The following AFF3 variants were observed in gnomAD, a reference collection of about 807,000 sequenced individuals.
AFF3 encodes AF4/FMR2 family member 3.
In AFF3, 32 loss-of-function variants were observed where a neutral mutation model predicts 129.7. That is an observed-to-expected ratio of 0.25 (90% CI 0.19 to 0.33). The LOEUF (loss-of-function observed/expected upper bound fraction) is 0.33, where lower values mean the gene tolerates loss of function less well. AFF3 is among the 10% of genes least tolerant of loss of function. AFF3 has a pLI of 1.00. For synonymous variants in AFF3, 644 were observed against 635.4 expected (o/e 1.01, Z -0.20); for missense variants, 1,373 against 1,592.0 (o/e 0.86, Z 2.34).
chr2:100,102,446 T>G (rs534529258), intron 4 of AFF3, among the ~76,000 whole-genome samples: 2 of 152,228 alleles, frequency 1.3e-5, no homozygotes, highest in Non-Finnish European at 2.9e-5. Flanking sequence ...AAAATGTGAT[T>G]GCACGTACAT....
At chr2:99,992,566 C>G (rs1314203621) in intron 7 of AFF3, among the ~76,000 whole-genome samples, 1 of 152,136 alleles carries the variant, frequency 6.6e-6, no homozygotes, top group Non-Finnish European at 1.5e-5. Flanking sequence ...GCCTTTCTGT[C>G]TTTATCAAAA....
intron 4 of AFF3, among the ~76,000 whole-genome samples, chr2:100,072,651 C>T (rs577884471): frequency 3.6e-4 from 55 of 152,232 alleles, no homozygotes; most frequent in African/African-American, 1.3e-3. Flanking sequence ...TCACAACAAA[C>T]GGAAACATCT....
chr2:99,776,848 C>T (rs1190853880), intron 8 of AFF3, among the ~76,000 whole-genome samples: 1 of 152,208 alleles, frequency 6.6e-6, no homozygotes, highest in African/African-American at 2.4e-5. Context: ...CTGATAGCAG[C>T]CCTGCATAAG....
intron 21 of AFF3, 72 bp downstream of exon 21, chr2:99,560,293 T>G (rs1182597859): frequency 6.6e-7 from 1 of 1,513,326 alleles, no homozygotes; most frequent in African/African-American, 1.4e-5. Flanking sequence ...ACACTATGCC[T>G]TTCAGCACCT....
At position 99,568,881 on chromosome 2, in the gene AFF3, T is replaced by C; in HGVS notation, c.2953A>G (p.Lys985Glu). ...RSADYFMQEA[K>E]RMKHKADAMV... Reference sequence around the variant, plus strand: ...GCATCTGCTTTATGCTTCATTCGTTTAGCTTCTTGCATAAAATAATCGGCA... The same window carrying C: ...GCATCTGCTTTATGCTTCATTCGTTCAGCTTCTTGCATAAAATAATCGGCA... The change falls in exon 19 of 25, where the codon AAA (lysine) becomes GAA (glutamate). Residue 985 changes from lysine (K) to glutamate (E), a missense_variant. This residue lies in a region of AFF3 where 65 missense variants were observed against 102.1 expected (regional missense o/e 0.64). Coordinates refer to ENST00000672756, the MANE Select transcript of AFF3 (RefSeq NM_001386135.1). 6.2e-7 allele frequency: 1 copy of C among 1,614,182 alleles called. No individual in the cohort carries two copies. The highest frequency in any genetic ancestry group is 8.5e-7 in the Non-Finnish European group (1 of 1,180,014).
intron 17 of AFF3, 93 bp from the exon 18 acceptor site, chr2:99,578,544 T>C: frequency 2.0e-6 from 3 of 1,536,038 alleles, no homozygotes; most frequent in Non-Finnish European, 2.6e-6. Context: ...TATCTTTGGC[T>C]CTACAGAACA....
chr2:99,953,456 C>A (rs867964739), intron 7 of AFF3, among the ~76,000 whole-genome samples: 1 of 152,134 alleles, frequency 6.6e-6, no homozygotes, highest in South Asian at 2.1e-4. Context: ...AGACCATAAA[C>A]GTAACTTGAA....
chr2:100,095,663 T>G, intron 4 of AFF3, among the ~76,000 whole-genome samples: 1 of 152,230 alleles, frequency 6.6e-6, no homozygotes, highest in East Asian at 1.9e-4. Context: ...AGAATGAAAA[T>G]GTGTGTATGT....
intron 18 of AFF3, among the ~76,000 whole-genome samples, chr2:99,573,772 G>A (rs1177255135): frequency 1.3e-5 from 2 of 152,160 alleles, no homozygotes; most frequent in Non-Finnish European, 2.9e-5. Flanking sequence ...CCTGTTACGG[G>A]CACCATGGGG....
chr2:99,947,597 AAGAAAGATAGATAGATAGAT>A lies in AFF3; in HGVS notation c.873+59015_873+59034del, dbSNP rs1242101804. Among the ~76,000 whole-genome samples, 684 of 140,818 alleles carry A rather than the reference AAGAAAGATAGATAGATAGAT, an allele frequency of 4.9e-3. 5 individuals carry two copies. Among genetic ancestry groups the A allele is most frequent in the Middle Eastern group, 0.01 (3 of 290 alleles). 92.4% of individuals were successfully genotyped at this position (140,818 alleles called of 152,430 possible). On this transcript the variant is annotated intron_variant, in intron 7 of 24. Transcript: ENST00000672756. ...AGAAAAGAAAAGAAAGAAAGAAAGA[AAGAAAGATAGATAGATAGAT>A]AGATAGATAGATAGATAGATAGATA...
intron 11 of AFF3, among the ~76,000 whole-genome samples, chr2:99,674,632 A>G (rs1254006716): frequency 6.6e-6 from 1 of 152,130 alleles, no homozygotes; most frequent in Non-Finnish European, 1.5e-5. Flanking sequence ...GGGGGTGGAA[A>G]GAGTGGGGAG....
chr2:99,940,670 A>G (rs982782895), intron 7 of AFF3, among the ~76,000 whole-genome samples: 4 of 152,134 alleles, frequency 2.6e-5, no homozygotes, highest in African/African-American at 4.8e-5. Context: ...AGAAATAACC[A>G]AAAAAATGGG....
chr2:99,760,970 G>A (rs768253413), intron 8 of AFF3, among the ~76,000 whole-genome samples: 7 of 150,384 alleles, frequency 4.7e-5, no homozygotes, highest in Non-Finnish European at 8.9e-5. Flanking sequence ...TAAGTTGCCC[G>A]GGCTGGCCTC....
At chr2:99,813,686 T>C (rs78564220) in intron 8 of AFF3, among the ~76,000 whole-genome samples, 9,799 of 152,306 alleles carry the variant, frequency 0.064, 448 homozygotes, top group Non-Finnish European at 0.1. Flanking sequence ...TACTTCTACC[T>C]GGTTAGAGCC....
intron 8 of AFF3, among the ~76,000 whole-genome samples, chr2:99,779,262 C>T (rs1684202042): frequency 6.6e-6 from 1 of 151,984 alleles, no homozygotes. Flanking sequence ...TTGTCAAATG[C>T]TTTTTCTGTA....
At chr2:100,108,054 C>A (rs930200293) in intron 2 of AFF3, among the ~76,000 whole-genome samples, 2 of 124,940 alleles carry the variant, frequency 1.6e-5, no homozygotes, top group African/African-American at 5.2e-5. Flanking sequence ...GCTGCCTCAG[C>A]CCCTACAGCA....
intron 7 of AFF3, among the ~76,000 whole-genome samples, chr2:99,928,593 G>A (rs954274957): frequency 4.6e-5 from 7 of 152,172 alleles, no homozygotes; most frequent in Admixed American, 2.0e-4. Context: ...CAAAAGTTCA[G>A]TAACTGTATC....
rs1678190602 is a variant in AFF3 at position 99,587,062 on chromosome 2, T to G, written c.2591+92A>C. ...CTGCAGACCTTGACCAGAGTAGTCCTCAAAAAGCCTGACCCTCCTCCAACA... is the reference window on the plus strand; with the variant it reads ...CTGCAGACCTTGACCAGAGTAGTCCGCAAAAAGCCTGACCCTCCTCCAACA... On this transcript the variant is annotated intron_variant, in intron 16 of 24. Transcript: ENST00000672756. 11 of 1,552,726 alleles carry G rather than the reference T, an allele frequency of 7.1e-6. No individual in the cohort carries two copies. In the South Asian group the frequency reaches 1.1e-4, roughly 15 times the overall value.
chr2:99,710,976 C>T (rs1436356279), intron 11 of AFF3, among the ~76,000 whole-genome samples: 1 of 152,102 alleles, frequency 6.6e-6, no homozygotes, highest in Non-Finnish European at 1.5e-5. Context: ...AGACTGCAGC[C>T]CCTGCGGTTT....
Sources: gnomAD v4.1 joint callset for allele counts (sites outside exome capture counted in the v4.1 genomes callset) on GRCh38, gnomAD v4.1.1 for gene constraint, gnomAD v4.1.1 regional missense constraint, MANE v1.5 for transcripts, NCBI Gene and HGNC (gene_info 2026-07-23, HGNC 2026-07-21) for gene names.